Variants in WWC2 observed in about 807,000 individuals in gnomAD.
WWC2 encodes WW and C2 domain containing 2.
Under a neutral mutation model 138.5 loss-of-function variants are expected in WWC2, and 101 were observed. The observed-to-expected ratio is 0.73, with a 90% CI of 0.62 to 0.86. WWC2 has a LOEUF of 0.86. WWC2 is among the 40% of genes least tolerant of loss of function. WWC2 has a pLI of 0.00. For missense variants in WWC2, 1,420 were observed against 1,419.4 expected (o/e 1.00, Z -0.01); for synonymous variants, 558 against 538.4 (o/e 1.04, Z -0.50).
chr4:183,210,144 G>A (rs994817379), intron 4 of WWC2, among the ~76,000 whole-genome samples: 1 of 151,946 alleles, frequency 6.6e-6, no homozygotes, highest in Admixed American at 6.6e-5. Context: ...TTCAATTTCT[G>A]ATTATTAAAA....
intron 1 of WWC2, among the ~76,000 whole-genome samples, chr4:183,145,970 A>C (rs541250795): frequency 6.6e-6 from 1 of 152,294 alleles, no homozygotes; most frequent in East Asian, 1.9e-4. Flanking sequence ...TTGGTTGATT[A>C]ATGTGTCTAC....
chr4:183,294,905 A>G (rs1248085836), intron 21 of WWC2, among the ~76,000 whole-genome samples: 1 of 152,200 alleles, frequency 6.6e-6, no homozygotes. Flanking sequence ...GGTAAAGTAG[A>G]TGTAAAGTAG....
chr4:183,150,149 C>T (rs555892547), intron 1 of WWC2, among the ~76,000 whole-genome samples: 1 of 152,172 alleles, frequency 6.6e-6, no homozygotes, highest in Non-Finnish European at 1.5e-5. Context: ...CTGTTGCTGC[C>T]ATTGAGTACT....
At chr4:183,107,688 A>G (rs1423591366) in intron 1 of WWC2, among the ~76,000 whole-genome samples, 2 of 152,068 alleles carry the variant, frequency 1.3e-5, no homozygotes, top group African/African-American at 2.4e-5. Flanking sequence ...TTAGTCTCAC[A>G]TTGCTCTTCC....
chr4:183,198,577 A>C (rs887257539), intron 2 of WWC2, among the ~76,000 whole-genome samples: 1 of 151,892 alleles, frequency 6.6e-6, no homozygotes, highest in South Asian at 2.1e-4. Context: ...AATTTTCACC[A>C]AAAAATTTTT....
At chr4:183,236,320 AT>A in intron 4 of WWC2, among the ~76,000 whole-genome samples, 1 of 152,352 alleles carries the variant, frequency 6.6e-6, no homozygotes, top group South Asian at 2.1e-4. Context: ...GCAATGAAAG[AT>A]TCGTGAATCG....
chr4:183,269,493 G>A (rs189831686), intron 15 of WWC2: 105 of 506,918 alleles, frequency 2.1e-4, no homozygotes, highest in Non-Finnish European at 2.9e-4. Context: ...CAAGCTTTGC[G>A]TGACTGCTGT....
chr4:183,242,087 G>A (rs995354468), intron 5 of WWC2, among the ~76,000 whole-genome samples: 7 of 152,082 alleles, frequency 4.6e-5, no homozygotes, highest in Admixed American at 1.3e-4. Context: ...CCCTTGAACC[G>A]AGAGCAGAAA....
chr4:183,226,553 A>G lies in WWC2; in HGVS notation c.523-13630A>G, dbSNP rs146426476. On this transcript the variant is annotated intron_variant, in intron 4 of 22. Coordinates refer to ENST00000403733, the MANE Select transcript of WWC2 (RefSeq NM_024949.6). ...AGCTTTGCATTAAAAATCTTAAGGA[A>G]CAGACTAAACTGAAAGAAGACAGGG... 1.7e-3 allele frequency among the ~76,000 whole-genome samples: 256 copies of G among 152,204 alleles called. 5 individuals are homozygous for G. Among genetic ancestry groups the G allele is most frequent in the African/African-American group, 6.0e-3 (249 of 41,458 alleles).
intron 1 of WWC2, among the ~76,000 whole-genome samples, chr4:183,127,122 A>G (rs1400363963): frequency 6.6e-6 from 1 of 152,176 alleles, no homozygotes; most frequent in Non-Finnish European, 1.5e-5. Context: ...TGCAAAGGAA[A>G]GGAGAAGAGT....
intron 16 of WWC2, among the ~76,000 whole-genome samples, chr4:183,279,501 A>T (rs566341440): frequency 6.6e-6 from 1 of 152,308 alleles, no homozygotes; most frequent in African/African-American, 2.4e-5. Context: ...CAAATGAGTT[A>T]GGGAGGATTC....
chr4:183,284,556 C>T (rs1738184367), intron 19 of WWC2, among the ~76,000 whole-genome samples, 166 bp downstream of exon 19: 1 of 152,176 alleles, frequency 6.6e-6, no homozygotes. Context: ...CTTATGGTCC[C>T]TTTTAGTTTG....
chr4:183,130,795 C>G (rs1286302258), intron 1 of WWC2, among the ~76,000 whole-genome samples: 1 of 152,176 alleles, frequency 6.6e-6, no homozygotes, highest in Non-Finnish European at 1.5e-5. Context: ...AACAAGTCAC[C>G]TTCTTCTTTC....
intron 21 of WWC2, among the ~76,000 whole-genome samples, chr4:183,306,831 T>A (rs1395959655): frequency 7.4e-6 from 1 of 135,838 alleles, no homozygotes; most frequent in Non-Finnish European, 1.5e-5. Flanking sequence ...CCGACCAGGA[T>A]AACAATTCTT....
chr4:183,246,908 A>T (rs1167351633), intron 6 of WWC2, among the ~76,000 whole-genome samples: 1 of 152,206 alleles, frequency 6.6e-6, no homozygotes, highest in African/African-American at 2.4e-5. Flanking sequence ...GCAAATCTAC[A>T]TTGGAACCTT....
intron 1 of WWC2, among the ~76,000 whole-genome samples, chr4:183,183,418 C>G (rs1734698908): frequency 1.3e-5 from 2 of 152,048 alleles, no homozygotes; most frequent in South Asian, 4.1e-4. Flanking sequence ...TATCGAGTTA[C>G]AAAGTCACCA....
At chr4:183,267,755 C>T (rs1737551790) in intron 14 of WWC2, among the ~76,000 whole-genome samples, 1 of 152,164 alleles carries the variant, frequency 6.6e-6, no homozygotes, top group South Asian at 2.1e-4. Context: ...CTCTTCGGCT[C>T]CCCAGCTAAT....
At chr4:183,146,654 G>A (rs1733469890) in intron 1 of WWC2, among the ~76,000 whole-genome samples, 1 of 152,160 alleles carries the variant, frequency 6.6e-6, no homozygotes, top group Non-Finnish European at 1.5e-5. Context: ...AGCCTGGGTG[G>A]ACACTAAGCC....
chr4:183,101,262 T>G (rs549362642), intron 1 of WWC2, among the ~76,000 whole-genome samples: 4 of 152,224 alleles, frequency 2.6e-5, no homozygotes, highest in Non-Finnish European at 5.9e-5. Flanking sequence ...TACAAGAATA[T>G]GTAATGTCTG....
Sources: gnomAD v4.1 joint callset for allele counts (sites outside exome capture counted in the v4.1 genomes callset) on GRCh38, gnomAD v4.1.1 for gene constraint, MANE v1.5 for transcripts, NCBI Gene and HGNC (gene_info 2026-07-23, HGNC 2026-07-21) for gene names.